Variants in CDH13 observed in about 807,000 individuals in gnomAD.
The protein encoded by CDH13 is cadherin 13.
CDH13 carries 24 observed loss-of-function variants against 63.8 expected under a neutral mutation model. The observed-to-expected ratio is 0.38, with a 90% CI of 0.27 to 0.53. The LOEUF is 0.53. Among genes scored for constraint, CDH13 ranks in the 20% least tolerant of loss-of-function variants. The pLI is 0.85. For synonymous variants in CDH13, 503 were observed against 355.3 expected, an observed-to-expected ratio of 1.42 and a Z score of -4.67; for missense variants, 1,049 against 903.1, an observed-to-expected ratio of 1.16 and a Z score of -2.07.
chr16:83,650,322 T>G (rs1187811076), intron 8 of CDH13, among the ~76,000 whole-genome samples: 1 of 152,242 alleles, frequency 6.6e-6, no homozygotes. Flanking sequence ...ATAATTATAG[T>G]CTTTGGTTTT....
At chr16:83,597,696 C>A (rs1463028289) in intron 7 of CDH13, among the ~76,000 whole-genome samples, 1 of 152,168 alleles carries the variant, frequency 6.6e-6, no homozygotes, top group African/African-American at 2.4e-5. Flanking sequence ...ACAAACTTTG[C>A]AGTTTATCTA....
intron 5 of CDH13, among the ~76,000 whole-genome samples, chr16:83,266,049 G>A (rs1477741255): frequency 6.6e-6 from 1 of 152,046 alleles, no homozygotes; most frequent in African/African-American, 2.4e-5. Flanking sequence ...CGATTCTCCT[G>A]CCTCAGCATC....
chr16:83,002,055 G>C (rs940941437), intron 2 of CDH13, among the ~76,000 whole-genome samples: 13 of 152,310 alleles, frequency 8.5e-5, no homozygotes, highest in African/African-American at 2.9e-4. Flanking sequence ...GTGCCATACT[G>C]TCTTCTAGGC....
chr16:83,520,064 A>T (rs2074793446), intron 7 of CDH13, among the ~76,000 whole-genome samples: 1 of 152,192 alleles, frequency 6.6e-6, no homozygotes, highest in Admixed American at 6.5e-5. Context: ...AACTTAAAGG[A>T]CTGACAATAT....
At chr16:82,763,280 C>A (rs1023155644) in intron 1 of CDH13, among the ~76,000 whole-genome samples, 2 of 152,200 alleles carry the variant, frequency 1.3e-5, no homozygotes, top group Non-Finnish European at 2.9e-5. Flanking sequence ...CTCTCTGTCC[C>A]TTTATCCTGC....
chr16:83,543,433 C>T (rs1459075601), intron 7 of CDH13, among the ~76,000 whole-genome samples: 1 of 152,170 alleles, frequency 6.6e-6, no homozygotes, highest in African/African-American at 2.4e-5. Flanking sequence ...CAGTAATAGG[C>T]ATTTGAGGCG....
intron 7 of CDH13, among the ~76,000 whole-genome samples, chr16:83,582,869 A>G (rs1242236327): frequency 1.3e-5 from 2 of 152,232 alleles, no homozygotes; most frequent in Non-Finnish European, 2.9e-5. Flanking sequence ...TGGTCCATCC[A>G]CTGAGCAGAA....
chr16:82,772,081 G>A (rs1567517591), intron 1 of CDH13, among the ~76,000 whole-genome samples: 1 of 152,222 alleles, frequency 6.6e-6, no homozygotes, highest in African/African-American at 2.4e-5. Flanking sequence ...TGCCCTTGAT[G>A]TGCTGGTGTC....
chr16:83,008,537 G>A (rs1050995141), intron 2 of CDH13, among the ~76,000 whole-genome samples: 2 of 152,226 alleles, frequency 1.3e-5, no homozygotes, highest in African/African-American at 4.8e-5. Flanking sequence ...GGAGAAGGCT[G>A]TAGGTTAGAA....
intron 1 of CDH13, among the ~76,000 whole-genome samples, chr16:82,851,573 C>G (rs11150500): frequency 0.68 from 102,779 of 151,886 alleles, 35,120 homozygotes; most frequent in East Asian, 0.88. Context: ...TGACCAGAAA[C>G]GTGTCAGGTT....
chr16:82,869,596 A>G (rs1024122430), intron 2 of CDH13, among the ~76,000 whole-genome samples: 3 of 152,232 alleles, frequency 2.0e-5, no homozygotes, highest in Non-Finnish European at 4.4e-5. Context: ...CTACAAAGCT[A>G]TAGTAACTAA....
At chr16:83,240,747 A>G (rs1904362061) in intron 5 of CDH13, among the ~76,000 whole-genome samples, 1 of 40,496 alleles carries the variant, frequency 2.5e-5, no homozygotes, top group Non-Finnish European at 6.5e-5. Context: ...TTTTTTTGAG[A>G]AACAAGGTTT....
At chr16:83,375,727 G>A (rs61389402) in intron 6 of CDH13, among the ~76,000 whole-genome samples, 6,596 of 152,238 alleles carry the variant, frequency 0.043, 320 homozygotes, top group East Asian at 0.29. Context: ...GGTAATCTGA[G>A]TCTTGAGGGA....
intron 4 of CDH13, among the ~76,000 whole-genome samples, chr16:83,162,476 GA>G (rs1180983673): frequency 6.6e-6 from 1 of 152,164 alleles, no homozygotes; most frequent in Non-Finnish European, 1.5e-5. Context: ...GTAAATGATA[GA>G]GCTGAAAATT....
chr16:83,404,062 G>A (rs151059358), intron 6 of CDH13, among the ~76,000 whole-genome samples: 2,094 of 152,168 alleles, frequency 0.014, 22 homozygotes, highest in Middle Eastern at 0.044. Context: ...CATAATCATT[G>A]CAGATTAAAA....
intron 2 of CDH13, among the ~76,000 whole-genome samples, chr16:83,010,276 A>G (rs892084137): frequency 2.0e-5 from 3 of 151,838 alleles, no homozygotes; most frequent in African/African-American, 7.3e-5. Context: ...CGCCAATCCC[A>G]TCATTTTTGC....
intron 7 of CDH13, among the ~76,000 whole-genome samples, chr16:83,529,867 A>G (rs1298305326): frequency 6.6e-6 from 1 of 152,200 alleles, no homozygotes. Flanking sequence ...CATTTCTGTT[A>G]TTTTCATATG....
At chr16:83,284,357 C>G (rs767467413) in intron 5 of CDH13, among the ~76,000 whole-genome samples, 11 of 152,082 alleles carry the variant, frequency 7.2e-5, no homozygotes, top group Non-Finnish European at 1.6e-4. Context: ...CCATAAAATC[C>G]TTATCTGAAA....
chr16:82,968,090 C>A (rs1300369589), intron 2 of CDH13, among the ~76,000 whole-genome samples: 1 of 152,202 alleles, frequency 6.6e-6, no homozygotes, highest in Non-Finnish European at 1.5e-5. Flanking sequence ...CTCCCCCCAA[C>A]TTAAGAATTT....
Sources: allele counts gnomAD v4.1 joint callset (sites outside exome capture counted in the v4.1 genomes callset), GRCh38; gene constraint gnomAD v4.1.1; transcripts MANE v1.5; gene names NCBI Gene and HGNC (gene_info 2026-07-23, HGNC 2026-07-21).